TRRAP: variants seen among roughly 807,000 people sequenced by gnomAD.
TRRAP encodes the protein transformation/transcription domain associated protein.
In TRRAP, 41 loss-of-function variants were observed where a neutral mutation model predicts 438.8. That is an observed-to-expected ratio of 0.09 (90% CI 0.07 to 0.12). The LOEUF is 0.12. Ranked by LOEUF, TRRAP falls within the 10% of genes least tolerant of loss-of-function variation. The probability of loss-of-function intolerance (pLI) is 1.00; values close to 1 mark genes in which losing one functional copy is unlikely to be tolerated. For missense variants in TRRAP, 3,122 were observed against 5,055.1 expected (o/e 0.62, Z 11.60); for synonymous variants, 1,994 against 1,962.9 (o/e 1.02, Z -0.42).
rs782552893 is a variant in TRRAP, at chr7:98,912,111, A to G, written c.2097A>G (p.Glu699=). The G allele has an allele frequency of 9.3e-6, 15 of 1,614,172 alleles. No individual in the cohort carries two copies. Among genetic ancestry groups the G allele is most frequent in the Non-Finnish European group, 1.2e-5 (14 of 1,180,032 alleles). ...AATATCTCCTTGATCGCCTGCCAGA[A>G]ATGGGCTCCAACGTGGAGCTCTCCA... ...LVEYLLDRLP[E]MGSNVELSNL... is the part of the protein sequence containing the mutation. The change falls in exon 18 of 73, where the codon GAA becomes GAG. Residue 699 remains glutamate, a synonymous_variant. Transcript: ENST00000456197.
intron 3 of TRRAP, among the ~76,000 whole-genome samples, chr7:98,887,527 G>A (rs186100730): frequency 5.3e-4 from 81 of 152,086 alleles, no homozygotes; most frequent in African/African-American, 1.9e-3. Context: ...TTCTGTGTGA[G>A]TGGAGGCCCC....
chr7:98,956,015 C>G lies in TRRAP; in HGVS notation c.5938-131C>G, dbSNP rs946527381. 11 of 1,134,772 alleles carry G rather than the reference C, an allele frequency of 9.7e-6. No individual in the cohort carries two copies. The highest frequency in any genetic ancestry group is 1.6e-5 in the African/African-American group (1 of 64,380). 70.3% of individuals were successfully genotyped at this position (1,134,772 alleles called of 1,614,324 possible). On this transcript the variant is annotated intron_variant, in intron 41 of 72. Transcript: ENST00000456197. The surrounding 1 kb of genome is among the most constrained non-coding windows in gnomAD (Gnocchi z 4.5). ...GTTAGGATTCAGAATTCTTGAGCAT[C>G]AAGTTGGGCTGTGTGTGTATGTTGG...
At chr7:98,919,357 T>G (rs1291829473) in intron 20 of TRRAP, among the ~76,000 whole-genome samples, 19 of 152,042 alleles carry the variant, frequency 1.2e-4, no homozygotes. Flanking sequence ...TCCCAGCACT[T>G]TGGGAGGCCG....
intron 10 of TRRAP, among the ~76,000 whole-genome samples, 153 bp from the exon 11 acceptor site, chr7:98,900,471 C>T (rs1223483977): frequency 1.3e-5 from 2 of 152,128 alleles, no homozygotes; most frequent in Non-Finnish European, 2.9e-5. Context: ...TTTGGAATTG[C>T]ACGAAAGGTG....
rs3779186 is a variant in TRRAP at position 98,988,969 on chromosome 7, G to C, written c.9591+3G>C. On this transcript the variant is annotated splice_donor_region_variant and intron_variant, in intron 63 of 72. Coordinates refer to ENST00000456197, the MANE Select transcript of TRRAP (RefSeq NM_001375524.1). ...AATCGAGGAAATACTTAGCCAAGGTGAGACCGAAAAAACGAGCTTTGACCA... is the reference window on the plus strand; with the variant it reads ...AATCGAGGAAATACTTAGCCAAGGTCAGACCGAAAAAACGAGCTTTGACCA... 5.8e-5 allele frequency: 94 copies of C among 1,611,718 alleles called. No individual in the cohort carries two copies. Among genetic ancestry groups the C allele is most frequent in the Non-Finnish European group, 7.9e-5 (93 of 1,178,918 alleles).
chr7:98,984,390 G>A (rs1307216530), intron 61 of TRRAP, 32 bp downstream of exon 61: 7 of 1,500,710 alleles, frequency 4.7e-6, no homozygotes, highest in Non-Finnish European at 6.2e-6. Flanking sequence ...AATGAGGCCA[G>A]GTGGAGATTG....
Position 98,895,837 on chromosome 7 carries a change from G to T in TRRAP, c.507+17G>T. On this transcript the variant is annotated intron_variant, in intron 7 of 72. Coordinates refer to ENST00000456197, the MANE Select transcript of TRRAP (RefSeq NM_001375524.1). Reference sequence around the variant, plus strand: ...AAAGTAGTGGTATGTTTTTACTTTGGTTTTAATTAGTTACATTTGTTTATA... The same window carrying T: ...AAAGTAGTGGTATGTTTTTACTTTGTTTTTAATTAGTTACATTTGTTTATA... 6.3e-7 allele frequency: 1 copy of T among 1,579,826 alleles called. No individual in the cohort carries two copies.
chr7:98,909,467 T>A (rs1236619153), intron 14 of TRRAP, among the ~76,000 whole-genome samples: 1 of 152,248 alleles, frequency 6.6e-6, no homozygotes, highest in South Asian at 2.1e-4. Context: ...CTTGGGGTGA[T>A]GATATCTGCC....
intron 30 of TRRAP, 67 bp from the exon 31 acceptor site, chr7:98,942,882 A>G (rs1407276376): frequency 7.1e-6 from 11 of 1,548,420 alleles, no homozygotes; most frequent in East Asian, 2.3e-5. Flanking sequence ...GAATGATTAC[A>G]TAGTAGTTTC....
chr7:98,964,836 T>TTG, intron 48 of TRRAP, 61 bp downstream of exon 48: 1 of 1,539,282 alleles, frequency 6.5e-7, no homozygotes, highest in Admixed American at 2.0e-5. Context: ...ACAGACTCTG[T>TTG]TGTGCAGGCT....
At position 98,917,538 on chromosome 7, in the gene TRRAP, T is replaced by C. The variant is rs1257720423; in HGVS notation, c.2481T>C (p.Leu827=). 4.3e-6 allele frequency: 7 copies of C among 1,614,048 alleles called. No homozygotes were observed. Among genetic ancestry groups the C allele is most frequent in the Non-Finnish European group, 5.9e-6 (7 of 1,180,036 alleles). The change falls in exon 20 of 73, where the codon CTT becomes CTC. Residue 827 remains leucine (L), a synonymous_variant. Transcript: ENST00000456197. The part of the protein sequence containing the change: ...LSSLLPYLPM[L]MDPLVSALNG... ...CGCTTTTGCCGTACCTGCCCATGCT[T>C]ATGGATCCCTTGGTGTCTGCACTCA...
intron 37 of TRRAP, 26 bp from the exon 38 acceptor site, chr7:98,950,038 C>T (rs372421330): frequency 6.4e-5 from 103 of 1,613,140 alleles, no homozygotes; most frequent in Admixed American, 1.0e-4. Flanking sequence ...TCTAAGTTAA[C>T]CTGTCTTCTT....
intron 67 of TRRAP, among the ~76,000 whole-genome samples, chr7:98,998,214 C>T (rs1437464072): frequency 6.6e-6 from 1 of 152,092 alleles, no homozygotes; most frequent in Non-Finnish European, 1.5e-5. Context: ...AACTCTTGAC[C>T]CCTCTTCTCC....
chr7:98,984,361 G>A lies in TRRAP; in HGVS notation c.9288+3G>A. The A allele has an allele frequency of 2.6e-6, 4 of 1,567,642 alleles. No homozygotes were observed. Among genetic ancestry groups the A allele is most frequent in the Non-Finnish European group, 3.5e-6 (4 of 1,155,364 alleles). The stretch of plus-strand genomic sequence containing the variant: ...TGGGCAAAAACGAGTGCATGCAGGT[G>A]CGGACAGGACACTTGAAGAATGAGG... On this transcript the variant is annotated splice_donor_region_variant and intron_variant, in intron 61 of 72. Coordinates refer to ENST00000456197, the MANE Select transcript of TRRAP (RefSeq NM_001375524.1).
chr7:99,001,185 T>TG (rs1427150976), intron 67 of TRRAP, among the ~76,000 whole-genome samples: 3 of 152,198 alleles, frequency 2.0e-5, no homozygotes, highest in Non-Finnish European at 4.4e-5. Flanking sequence ...GCCCTGCAGT[T>TG]GCTCCAGGCA....
rs532372939 is a variant in TRRAP at position 98,984,020 on chromosome 7, T to A, written c.9023-73T>A. The A allele has an allele frequency of 9.6e-5, 142 of 1,482,218 alleles. No homozygotes were observed. The African/African-American group carries it at 1.9e-3, about 19-fold the overall frequency. The allele number at this position is 1,482,218 out of a possible 1,614,324, so 91.8% of individuals were successfully genotyped here. On this transcript the variant is annotated intron_variant, in intron 60 of 72. Coordinates refer to ENST00000456197, the MANE Select transcript of TRRAP (RefSeq NM_001375524.1). Reference sequence around the variant, plus strand: ...CCATGTGTGTGTGTGTTTCATTTTTTATTTAAGCCTTGTTGTGAAGTGCTT... The same window carrying A: ...CCATGTGTGTGTGTGTTTCATTTTTAATTTAAGCCTTGTTGTGAAGTGCTT...
chr7:98,929,612 T>A (rs1554412355), intron 23 of TRRAP, among the ~76,000 whole-genome samples: 1 of 151,420 alleles, frequency 6.6e-6, no homozygotes, highest in East Asian at 1.9e-4. Context: ...TTTAATTTAT[T>A]TTTTTTTTGA....
At position 98,967,134 on chromosome 7, in the gene TRRAP, T is replaced by G; in HGVS notation, c.7270T>G (p.Phe2424Val). Residue 2424 changes from phenylalanine to valine, a missense_variant, in exon 50 of 73, where the codon TTT (phenylalanine) becomes GTT (valine). This residue lies in a region of TRRAP where 992 missense variants were observed against 1,281.2 expected (regional missense o/e 0.77). Transcript: ENST00000456197. ...GGAAGACCTTGAATTAAATGCCCAG[T>G]TTTTAGATCTTGTTAACTATGTCTA... ...FPEDLELNAQ[F>V]LDLVNYVYRD... The G allele has an allele frequency of 6.2e-7, 1 of 1,613,998 alleles. No individual in the cohort carries two copies. The highest frequency in any genetic ancestry group is 8.5e-7 in the Non-Finnish European group (1 of 1,179,960).
rs2116335873 is a variant in TRRAP, at chr7:98,897,869, A to G, written c.633+3A>G. ...GTGAGGACAGTGAGACTCGAACAGTAAGTGTTTCGCTGAGTTATTTCTACC... is the reference window on the plus strand; with the variant it reads ...GTGAGGACAGTGAGACTCGAACAGTGAGTGTTTCGCTGAGTTATTTCTACC... On this transcript the variant is annotated splice_donor_region_variant and intron_variant, in intron 8 of 72. Coordinates refer to ENST00000456197, the MANE Select transcript of TRRAP (RefSeq NM_001375524.1). The G allele has an allele frequency of 6.2e-7, 1 of 1,613,906 alleles. No homozygotes were observed. Among genetic ancestry groups the G allele is most frequent in the Non-Finnish European group, 8.5e-7 (1 of 1,179,958 alleles).
Sources: allele counts gnomAD v4.1 joint callset (sites outside exome capture counted in the v4.1 genomes callset), GRCh38; gene constraint gnomAD v4.1.1; regional missense constraint gnomAD v4.1.1; non-coding constraint Gnocchi (gnomAD v3.1); transcripts MANE v1.5; gene names NCBI Gene and HGNC (gene_info 2026-07-23, HGNC 2026-07-21).